Variants in SYN3 observed in about 807,000 individuals in gnomAD.
The protein encoded by SYN3 is synapsin-3.
Under a neutral mutation model 65.8 loss-of-function variants are expected in SYN3, and 35 were observed. The observed-to-expected ratio is 0.53, with a 90% CI of 0.41 to 0.70. The LOEUF (loss-of-function observed/expected upper bound fraction) is 0.70. SYN3 is among the 30% of genes least tolerant of loss of function. The probability of loss-of-function intolerance (pLI) is 0.00; values close to 1 mark genes in which losing one functional copy is unlikely to be tolerated. For synonymous variants in SYN3, 270 were observed against 292.9 expected, an observed-to-expected ratio of 0.92 and a Z score of 0.80; for missense variants, 680 against 749.0, an observed-to-expected ratio of 0.91 and a Z score of 1.08.
At chr22:32,652,430 GAAACAAA>G (rs1569126970) in intron 6 of SYN3, among the ~76,000 whole-genome samples, 1 of 104,300 alleles carries the variant, frequency 9.6e-6, no homozygotes, top group African/African-American at 3.3e-5. Flanking sequence ...AGAAAACAAA[GAAACAAA>G]GTTTCTTTGT....
At chr22:32,834,046 C>T (rs551851152) in intron 6 of SYN3, among the ~76,000 whole-genome samples, 5 of 152,252 alleles carry the variant, frequency 3.3e-5, no homozygotes, top group Admixed American at 1.3e-4. Context: ...GCTTATCCTC[C>T]GAGAGCACTG....
chr22:32,807,395 A>ATG (rs2046789573), intron 6 of SYN3, among the ~76,000 whole-genome samples: 2 of 100,150 alleles, frequency 2.0e-5, no homozygotes, highest in Non-Finnish European at 3.9e-5. Flanking sequence ...ATTATATATA[A>ATG]TATATATATA....
intron 6 of SYN3, among the ~76,000 whole-genome samples, chr22:32,739,700 A>C (rs147386618): frequency 0.014 from 2,065 of 152,352 alleles, 15 homozygotes; most frequent in Non-Finnish European, 0.019. Context: ...GGATAACATC[A>C]GGCACAGCAG....
chr22:32,994,161 G>A (rs961471331), intron 2 of SYN3, among the ~76,000 whole-genome samples: 8 of 152,128 alleles, frequency 5.3e-5, no homozygotes, highest in African/African-American at 1.2e-4. Context: ...CTTGGGTGCC[G>A]CACAAGGCCC....
chr22:32,774,846 C>T (rs958136411), intron 6 of SYN3, among the ~76,000 whole-genome samples: 5 of 152,194 alleles, frequency 3.3e-5, no homozygotes, highest in African/African-American at 1.2e-4. Flanking sequence ...CCGCCTCGGC[C>T]TCCCAGCTTT....
rs766071754 is a variant in SYN3 at position 32,596,741 on chromosome 22, A to C, written c.712-5T>G. 7 of 1,613,736 alleles carry C rather than the reference A, an allele frequency of 4.3e-6. No homozygotes were observed. Among genetic ancestry groups the C allele is most frequent in the Non-Finnish European group, 5.9e-6 (7 of 1,179,818 alleles). Reference sequence around the variant, plus strand: ...CGGGAAGTGTGGGGCTGTGACCTGAAAGAGACAAGAAGAAGTCACTCTTAA... The same window carrying C: ...CGGGAAGTGTGGGGCTGTGACCTGACAGAGACAAGAAGAAGTCACTCTTAA... On this transcript the variant is annotated splice_polypyrimidine_tract_variant and splice_region_variant and intron_variant, in intron 6 of 13. Coordinates refer to ENST00000358763, the MANE Select transcript of SYN3 (RefSeq NM_003490.4).
At chr22:33,035,108 G>T (rs1282193728) in intron 1 of SYN3, among the ~76,000 whole-genome samples, 1 of 152,126 alleles carries the variant, frequency 6.6e-6, no homozygotes, top group Admixed American at 6.6e-5. Context: ...GGAAAGGAGT[G>T]GGGTGGGCAT....
intron 1 of SYN3, among the ~76,000 whole-genome samples, chr22:33,008,972 G>C (rs1195239910): frequency 1.1e-5 from 1 of 94,832 alleles, no homozygotes; most frequent in Non-Finnish European, 2.3e-5. Context: ...AAGAGAGAGA[G>C]AGAAAAGAAA....
chr22:32,523,238 C>A (rs565587584), intron 12 of SYN3, among the ~76,000 whole-genome samples: 1 of 152,138 alleles, frequency 6.6e-6, no homozygotes, highest in Admixed American at 6.5e-5. Context: ...ACTGGCCGGG[C>A]GTGGTGGCTC....
intron 4 of SYN3, among the ~76,000 whole-genome samples, chr22:32,883,453 C>A (rs1279943942): frequency 6.6e-6 from 1 of 152,190 alleles, no homozygotes; most frequent in African/African-American, 2.4e-5. Flanking sequence ...ACTGGTTTGG[C>A]AGCTGTCAGA....
At chr22:32,781,808 T>C (rs1232020039) in intron 6 of SYN3, among the ~76,000 whole-genome samples, 3 of 152,130 alleles carry the variant, frequency 2.0e-5, no homozygotes, top group Non-Finnish European at 4.4e-5. Context: ...CTTAGGATTC[T>C]TGGGCACAGA....
intron 6 of SYN3, among the ~76,000 whole-genome samples, chr22:32,650,897 T>C (rs1248794443): frequency 1.3e-5 from 2 of 152,220 alleles, no homozygotes; most frequent in Non-Finnish European, 2.9e-5. Context: ...GATATGAATT[T>C]TATTTTATTA....
At chr22:32,583,835 T>G (rs866749850) in intron 7 of SYN3, 2 of 152,178 alleles carry the variant, frequency 1.3e-5, no homozygotes, top group Non-Finnish European at 2.9e-5. Context: ...GAATCATAGG[T>G]TTTTGTTTAC....
At chr22:32,950,454 C>G (rs2051255843) in intron 3 of SYN3, among the ~76,000 whole-genome samples, 1 of 152,140 alleles carries the variant, frequency 6.6e-6, no homozygotes, top group African/African-American at 2.4e-5. Flanking sequence ...TTAACTTCCT[C>G]TTTCCTGCTT....
chr22:32,962,324 C>CG (rs2051681584), intron 3 of SYN3, among the ~76,000 whole-genome samples: 1 of 151,712 alleles, frequency 6.6e-6, no homozygotes, highest in Admixed American at 6.6e-5. Context: ...TTAATAGAGA[C>CG]GGGGTTTCAC....
intron 6 of SYN3, among the ~76,000 whole-genome samples, chr22:32,786,195 C>CT (rs2046190609): frequency 6.6e-6 from 1 of 152,078 alleles, no homozygotes; most frequent in Admixed American, 6.5e-5. Flanking sequence ...GCCGAGGAAG[C>CT]TGAGTTCCAG....
chr22:32,834,021 C>T (rs531860116), intron 6 of SYN3, among the ~76,000 whole-genome samples: 202 of 152,220 alleles, frequency 1.3e-3, no homozygotes, highest in African/African-American at 4.6e-3. Context: ...TGTGTTCATC[C>T]CTGGTACTCT....
chr22:32,636,389 G>A (rs1377591988), intron 6 of SYN3, among the ~76,000 whole-genome samples: 1 of 139,444 alleles, frequency 7.2e-6, no homozygotes, highest in Admixed American at 7.4e-5. Flanking sequence ...ACGACAAAGC[G>A]AGACTCCATC....
chr22:32,873,683 A>C (rs1371012196), intron 4 of SYN3, among the ~76,000 whole-genome samples: 1 of 152,204 alleles, frequency 6.6e-6, no homozygotes, highest in Non-Finnish European at 1.5e-5. Flanking sequence ...GTTGTATCTG[A>C]GCTCTGAAAG....
Sources: gnomAD v4.1 joint callset for allele counts (sites outside exome capture counted in the v4.1 genomes callset) on GRCh38, gnomAD v4.1.1 for gene constraint, MANE v1.5 for transcripts, NCBI Gene and HGNC (gene_info 2026-07-23, HGNC 2026-07-21) for gene names.